Variants in MAP1B observed in about 807,000 individuals in gnomAD.
MAP1B encodes the protein microtubule-associated protein 1B.
In MAP1B, 12 loss-of-function variants were observed where a neutral mutation model predicts 176.1. That is an observed-to-expected ratio of 0.07 (90% CI 0.04 to 0.11). MAP1B has a LOEUF of 0.11. Among genes scored for constraint, MAP1B ranks in the 10% least tolerant of loss-of-function variants. MAP1B has a pLI of 1.00. For synonymous variants in MAP1B, 1,044 were observed against 1,135.0 expected (o/e 0.92, Z 1.61); for missense variants, 2,523 against 2,990.5 (o/e 0.84, Z 3.65).
chr5:72,122,919 G>A (rs927092313), intron 2 of MAP1B, among the ~76,000 whole-genome samples: 2 of 152,178 alleles, frequency 1.3e-5, no homozygotes, highest in Non-Finnish European at 2.9e-5. Flanking sequence ...AGAGACCAAA[G>A]AGAGCTCATG....
chr5:72,166,401 G>GAT (rs924558362), intron 2 of MAP1B, among the ~76,000 whole-genome samples: 2 of 152,228 alleles, frequency 1.3e-5, no homozygotes, highest in African/African-American at 4.8e-5. Context: ...CCCGGTACAC[G>GAT]ATGGGCATCT....
intron 4 of MAP1B, among the ~76,000 whole-genome samples, chr5:72,192,524 G>A (rs184984744): frequency 1.4e-4 from 21 of 152,252 alleles, no homozygotes; most frequent in Admixed American, 3.9e-4. Flanking sequence ...TATTGCAGTC[G>A]AATATAGGAA....
intron 2 of MAP1B, among the ~76,000 whole-genome samples, chr5:72,121,985 T>C (rs1745538195): frequency 6.6e-6 from 1 of 152,244 alleles, no homozygotes; most frequent in Non-Finnish European, 1.5e-5. Context: ...CACGCACAGG[T>C]CTAGGTACTT....
At chr5:72,155,984 C>T (rs751436282) in intron 2 of MAP1B, among the ~76,000 whole-genome samples, 37 of 152,142 alleles carry the variant, frequency 2.4e-4, no homozygotes, top group Non-Finnish European at 4.9e-4. Context: ...TCAGGTTGGT[C>T]TTGAACTCCT....
At chr5:72,141,279 G>A (rs142209649) in intron 2 of MAP1B, among the ~76,000 whole-genome samples, 4 of 152,296 alleles carry the variant, frequency 2.6e-5, no homozygotes, top group Middle Eastern at 6.8e-3. Context: ...ACACACATCT[G>A]AGCATGGCTG....
chr5:72,179,237 A>G (rs1746716345), intron 2 of MAP1B, among the ~76,000 whole-genome samples: 1 of 152,164 alleles, frequency 6.6e-6, no homozygotes, highest in African/African-American at 2.4e-5. Context: ...TAAGTGACAC[A>G]ATCATTCCAG....
Position 72,205,595 on chromosome 5 carries a change from G to A in MAP1B, c.*356G>A. 1 of 172,736 alleles carries A rather than the reference G, an allele frequency of 5.8e-6. No homozygotes were observed. Among genetic ancestry groups the A allele is most frequent in the South Asian group, 1.7e-4 (1 of 5,960 alleles). The allele number at this position is 172,736 out of a possible 1,614,324, so 10.7% of individuals were successfully genotyped here. The stretch of plus-strand genomic sequence containing the variant: ...CGGGAGAGAGTGAGAGAGAGTGAGA[G>A]CACAAAGATAACGCAGGAGAGAGAG... On this transcript the variant is annotated 3_prime_UTR_variant, in exon 7 of 7. Coordinates refer to ENST00000296755, the MANE Select transcript of MAP1B (RefSeq NM_005909.5).
chr5:72,113,335 C>G (rs1435676448), intron 1 of MAP1B, among the ~76,000 whole-genome samples: 1 of 151,904 alleles, frequency 6.6e-6, no homozygotes, highest in Non-Finnish European at 1.5e-5. Flanking sequence ...AAAAAAGAAC[C>G]CTACATTTTT....
intron 5 of MAP1B, among the ~76,000 whole-genome samples, chr5:72,200,642 C>T (rs1416357115): frequency 6.6e-6 from 1 of 152,094 alleles, no homozygotes; most frequent in Non-Finnish European, 1.5e-5. Context: ...CAACTACAGC[C>T]CTGTTCTAAA....
At chr5:72,182,135 A>T (rs951519413) in intron 2 of MAP1B, among the ~76,000 whole-genome samples, 7 of 146,200 alleles carry the variant, frequency 4.8e-5, no homozygotes, top group African/African-American at 1.5e-4. Flanking sequence ...AAGTGCTGGG[A>T]TTATAGGCAT....
intron 2 of MAP1B, chr5:72,179,778 G>A: frequency 1.0e-6 from 1 of 985,496 alleles, no homozygotes. Flanking sequence ...TTTTGTTGAA[G>A]GAGCAGCCAT....
chr5:72,108,332 G>A (rs1203301316), intron 1 of MAP1B, among the ~76,000 whole-genome samples: 1 of 152,172 alleles, frequency 6.6e-6, no homozygotes, highest in East Asian at 1.9e-4. Flanking sequence ...AGAACCGCCT[G>A]CGCTTCGCCA....
chr5:72,147,658 T>A (rs1423723535), intron 2 of MAP1B, among the ~76,000 whole-genome samples: 3 of 152,150 alleles, frequency 2.0e-5, no homozygotes, highest in Non-Finnish European at 4.4e-5. Context: ...TCCTGTGCCC[T>A]CCCAGGGACT....
chr5:72,129,339 T>A (rs1745685126), intron 2 of MAP1B, among the ~76,000 whole-genome samples: 1 of 152,090 alleles, frequency 6.6e-6, no homozygotes. Context: ...GCAGATCACT[T>A]GAGATCAGGA....
At chr5:72,156,158 G>T (rs1273834238) in intron 2 of MAP1B, among the ~76,000 whole-genome samples, 1 of 151,990 alleles carries the variant, frequency 6.6e-6, no homozygotes, top group Non-Finnish European at 1.5e-5. Context: ...AGAAACACTG[G>T]TTTTCCTTTA....
rs886849730 is a variant in MAP1B, at chr5:72,169,808, T to C, written c.287-13935T>C. On this transcript the variant is annotated intron_variant, in intron 2 of 6. Coordinates refer to ENST00000296755, the MANE Select transcript of MAP1B (RefSeq NM_005909.5). ...CTATGTACATCCTCTAATTGAGCTA[T>C]ATAGTATAGAGACTGTTAACTGCTA... is the stretch of plus-strand genomic sequence containing the variant. Among the ~76,000 whole-genome samples the C allele has an allele frequency of 2.6e-5, 4 of 152,338 alleles. No homozygotes were observed. The East Asian group carries it at 7.7e-4, about 29-fold the overall frequency.
chr5:72,135,435 T>C (rs1008887652), intron 2 of MAP1B, among the ~76,000 whole-genome samples: 5 of 152,204 alleles, frequency 3.3e-5, no homozygotes, highest in African/African-American at 1.2e-4. Flanking sequence ...TTTGTGTCAG[T>C]GTTTTGCAAG....
intron 2 of MAP1B, among the ~76,000 whole-genome samples, chr5:72,182,138 A>G (rs1335528260): frequency 6.7e-6 from 1 of 148,874 alleles, no homozygotes; most frequent in Non-Finnish European, 1.5e-5. Context: ...TGCTGGGATT[A>G]TAGGCATAAG....
At chr5:72,113,674 G>A (rs529929247) in intron 1 of MAP1B, among the ~76,000 whole-genome samples, 24 of 152,310 alleles carry the variant, frequency 1.6e-4, no homozygotes, top group African/African-American at 5.8e-4. Context: ...AAATGCATAT[G>A]TCTCATTATT....
Sources: gnomAD v4.1 joint callset for allele counts (sites outside exome capture counted in the v4.1 genomes callset) on GRCh38, gnomAD v4.1.1 for gene constraint, MANE v1.5 for transcripts, NCBI Gene and HGNC (gene_info 2026-07-23, HGNC 2026-07-21) for gene names.